The following GPANK1 variants were observed in gnomAD, a reference collection of about 807,000 sequenced individuals.
The protein encoded by GPANK1 is G patch domain and ankyrin repeat-containing protein 1.
GPANK1 carries 22 observed loss-of-function variants against 24.0 expected under a neutral mutation model. The observed-to-expected ratio is 0.92, with a 90% CI of 0.66 to 1.31. GPANK1 has a LOEUF of 1.31. GPANK1 is among the 50% of genes most tolerant of loss of function. The probability of loss-of-function intolerance (pLI) is 0.00; values close to 1 mark genes in which losing one functional copy is unlikely to be tolerated. For missense variants in GPANK1, 469 were observed against 453.5 expected (o/e 1.03, Z -0.31); for synonymous variants, 174 against 177.4 (o/e 0.98, Z 0.15).
chr6:31,662,629 G>T lies in GPANK1; in HGVS notation c.708C>A (p.His236Gln). ...QDSNHRTSTAHLLSLSQGPQP... is the reference protein window; with the variant it reads ...QDSNHRTSTAQLLSLSQGPQP... ...GAGGACCCTGCGACAGTGACAGCAG[G>T]TGAGCAGTGGATGTGCGGTGGTTGG... The change falls in exon 3 of 3, where the codon CAC (histidine) becomes CAA (glutamine). Residue 236 changes from histidine (H) to glutamine (Q), a missense_variant. His to Gln is a conservative substitution (Grantham distance 24, BLOSUM62 0). Transcript: ENST00000375896. The surrounding 1 kb of genome is among the most constrained non-coding windows in gnomAD (Gnocchi z 5.5). The T allele has an allele frequency of 6.2e-7, 1 of 1,612,842 alleles. No individual in the cohort carries two copies. Among genetic ancestry groups the T allele is most frequent in the Non-Finnish European group, 8.5e-7 (1 of 1,179,806 alleles).
chr6:31,665,191 C>T (rs1374932271), upstream of GPANK1: 3 of 502,052 alleles, frequency 6.0e-6, no homozygotes, highest in Non-Finnish European at 1.1e-5. Flanking sequence ...CCAGGTGGCG[C>T]GAGCACTAGG....
At chr6:31,665,629 T>C, upstream of GPANK1, 1 of 989,216 alleles carries the variant, frequency 1.0e-6, no homozygotes, top group Non-Finnish European at 1.6e-6. Context: ...CAAGGGTCTC[T>C]GGCGGGACTG....
upstream of GPANK1, chr6:31,666,270 C>T: frequency 3.4e-6 from 3 of 873,586 alleles, no homozygotes; most frequent in Non-Finnish European, 4.1e-6. Context: ...ATGGGGTCTC[C>T]GGACTTTGAT....
chr6:31,665,652 G>C (rs1410114711), upstream of GPANK1: 4 of 869,486 alleles, frequency 4.6e-6, no homozygotes, highest in Non-Finnish European at 7.3e-6. Context: ...TCGCACTAGG[G>C]GCCCAACAGG....
intron 2 of GPANK1, chr6:31,663,307 G>C (rs1221526836): frequency 1.3e-5 from 2 of 153,912 alleles, no homozygotes; most frequent in African/African-American, 4.8e-5. Context: ...AAAGGTGGTG[G>C]TGAGTTATCT....
At position 31,662,537 on chromosome 6, in the gene GPANK1, C is replaced by A; in HGVS notation, c.800G>T (p.Gly267Val). ...SPGFKLLLRG[G>V]WEPGMGLGPR... is the part of the protein sequence containing the mutation. ...TCCCAGCCCCATTCCTGGCTCCCAG[C>A]CCCCCCTCAGCAGCAGTTTGAAGCC... The change falls in exon 3 of 3, where the codon GGC (glycine) becomes GTC (valine). Residue 267 changes from glycine (G) to valine (V), a missense_variant. Physicochemically the swap from Gly to Val is moderately radical, Grantham distance 109. Transcript: ENST00000375896. This position sits in a 1 kb window ranked among gnomAD's most constrained non-coding sequence, Gnocchi z 5.5. The A allele has an allele frequency of 1.9e-6, 3 of 1,612,444 alleles. No individual in the cohort carries two copies. Among genetic ancestry groups the A allele is most frequent in the Middle Eastern group, 1.7e-4 (1 of 6,060 alleles).
In GPANK1 at chr6:31,664,847, G is replaced by GA. The variant is rs1315796124; in HGVS notation, c.-107dup. On this transcript the variant is annotated 5_prime_UTR_variant, in exon 1 of 3. Coordinates refer to ENST00000375896, the MANE Select transcript of GPANK1 (RefSeq NM_033177.4). ...CCCACCCCGTAAGACATACCAGTAG[G>GA]AAAAAAAAATCAGCCTGGCCCTTTA... 237 of 261,452 alleles carry GA rather than the reference G, an allele frequency of 9.1e-4. No individual in the cohort carries two copies. Among genetic ancestry groups the GA allele is most frequent in the Middle Eastern group, 2.2e-3 (2 of 896 alleles). 16.2% of individuals were successfully genotyped at this position (261,452 alleles called of 1,614,324 possible).
chr6:31,666,102 C>T (rs1801658044), upstream of GPANK1: 2 of 993,358 alleles, frequency 2.0e-6, no homozygotes, highest in African/African-American at 1.7e-5. Context: ...CCCCACCCCA[C>T]TTCGCCTGCC....
chr6:31,663,803 G>A, intron 2 of GPANK1, 50 bp downstream of exon 2: 1 of 1,521,886 alleles, frequency 6.6e-7, no homozygotes, highest in Non-Finnish European at 8.8e-7. Context: ...GTGTGGCTGG[G>A]AGAGGCAGAA....
upstream of GPANK1, chr6:31,665,845 G>A (rs1050406077): frequency 3.5e-6 from 4 of 1,149,976 alleles, no homozygotes; most frequent in African/African-American, 4.7e-5. Context: ...AGACTCCCGG[G>A]CCCCGAACGC....
In GPANK1 at chr6:31,664,504, A is replaced by G. The variant is rs1438416208; in HGVS notation, c.-26T>C. On this transcript the variant is annotated 5_prime_UTR_variant, in exon 2 of 3. Transcript: ENST00000375896. ...GGCTTTTGGGAGAACTGAGAAAATG[A>G]TACCAGGCAAGGGAAGGATGAGACA... is the stretch of plus-strand genomic sequence containing the variant. 1 of 1,571,894 alleles carries G rather than the reference A, an allele frequency of 6.4e-7. No homozygotes were observed. The highest frequency in any genetic ancestry group is 1.8e-5 in the Admixed American group (1 of 56,896).
upstream of GPANK1, chr6:31,665,906 C>A: frequency 9.2e-7 from 1 of 1,082,754 alleles, no homozygotes; most frequent in Non-Finnish European, 1.1e-6. Context: ...CGCCCGCAAG[C>A]GCCCTCCTCC....
upstream of GPANK1, chr6:31,666,143 G>A (rs1801668165): frequency 1.6e-5 from 16 of 991,108 alleles, no homozygotes; most frequent in Non-Finnish European, 1.9e-5. Context: ...CGCTGTAGCG[G>A]TCGCCGCCGT....
chr6:31,665,441 A>AG (rs1159088024), upstream of GPANK1: 6 of 1,565,342 alleles, frequency 3.8e-6, no homozygotes, highest in Non-Finnish European at 2.6e-6. Flanking sequence ...TTAGAGCCTA[A>AG]GGGGAAATGG....
Position 31,664,398 on chromosome 6 carries a change from C to T in GPANK1, c.81G>A (p.Gln27=), listed in dbSNP as rs774193370. The T allele has an allele frequency of 6.2e-7, 1 of 1,614,206 alleles. No homozygotes were observed. Among genetic ancestry groups the T allele is most frequent in the Non-Finnish European group, 8.5e-7 (1 of 1,180,030 alleles). The change falls in exon 2 of 3, where the codon CAG becomes CAA. Residue 27 remains glutamine, a synonymous_variant. Transcript: ENST00000375896. ...CCAGGGTGGACTCTGGCTTCTCGGG[C>T]TGTGGCTGCTGCTGCCCATCCTTCC... ...DLWKDGQQQP[Q]PEKPESTLDG... is the part of the protein sequence containing the mutation.
rs1800954475 is a variant in GPANK1, at chr6:31,662,263, A to C, written c.*3T>G. 1 of 1,527,852 alleles carries C rather than the reference A, an allele frequency of 6.5e-7. No homozygotes were observed. Among genetic ancestry groups the C allele is most frequent in the South Asian group, 1.3e-5 (1 of 78,506 alleles). 94.6% of individuals were successfully genotyped at this position (1,527,852 alleles called of 1,614,324 possible). ...AGCAGACTAGGGTCAGACTTTACCA[A>C]AGTCAGAACTCGAGGTTCATGTAAG... On this transcript the variant is annotated 3_prime_UTR_variant, in exon 3 of 3. Transcript: ENST00000375896. This position sits in a 1 kb window ranked among gnomAD's most constrained non-coding sequence, Gnocchi z 5.5.
Position 31,664,893 on chromosome 6 carries a change from C to G in GPANK1, c.-152G>C, listed in dbSNP as rs752195254. On this transcript the variant is annotated 5_prime_UTR_variant, in exon 1 of 3. Coordinates refer to ENST00000375896, the MANE Select transcript of GPANK1 (RefSeq NM_033177.4). ...CTTTAAGTCTTCCGCGATCCCATTTCGGAGTTTCCTCTTCCCAAACAAAAA... is the reference window on the plus strand; with the variant it reads ...CTTTAAGTCTTCCGCGATCCCATTTGGGAGTTTCCTCTTCCCAAACAAAAA... 4.1e-5 allele frequency: 9 copies of G among 218,858 alleles called. No homozygotes were observed. Among genetic ancestry groups the G allele is most frequent in the Non-Finnish European group, 1.8e-5 (2 of 109,932 alleles). The allele number at this position is 218,858 out of a possible 1,614,324, so 13.6% of individuals were successfully genotyped here.
At chr6:31,665,455 A>T, upstream of GPANK1, 1 of 1,569,532 alleles carries the variant, frequency 6.4e-7, no homozygotes, top group South Asian at 1.2e-5. Context: ...GAAATGGAGA[A>T]GTGCAAAGGG....
chr6:31,665,064 C>T (rs552386940), upstream of GPANK1: 116 of 306,782 alleles, frequency 3.8e-4, 2 homozygotes, highest in South Asian at 4.5e-3. Flanking sequence ...TGCGTGGCGA[C>T]AACAACAACA....
Sources: gnomAD v4.1 joint callset for allele counts on GRCh38, gnomAD v4.1.1 for gene constraint, Gnocchi (gnomAD v3.1) non-coding constraint, MANE v1.5 for transcripts, NCBI Gene and HGNC (gene_info 2026-07-23, HGNC 2026-07-21) for gene names.